DRC9: variants seen among roughly 807,000 people sequenced by gnomAD.
The protein encoded by DRC9 is dynein regulatory complex protein 9.
chr3:197,921,155 A>C, the DRC9 span, among the ~76,000 whole-genome samples: 345 of 108,446 alleles, frequency 3.2e-3, no homozygotes, highest in African/African-American at 0.023. Context: ...CCGGGGATGT[A>C]ACCTGATTTC....
At chr3:197,950,982 C>T in the DRC9 span, 4 of 1,613,076 alleles carry the variant, frequency 2.5e-6, no homozygotes, top group African/African-American at 1.3e-5. Flanking sequence ...CTGGAAGGTA[C>T]GCGTTTTAAA....
chr3:197,954,303 T>G, the DRC9 span: 1 of 770,024 alleles, frequency 1.3e-6, no homozygotes, highest in Non-Finnish European at 2.2e-6. Flanking sequence ...AGATAGTAAT[T>G]GAAAGAATTA....
the DRC9 span, among the ~76,000 whole-genome samples, chr3:197,908,590 C>G: frequency 6.7e-6 from 1 of 149,528 alleles, no homozygotes; most frequent in South Asian, 2.1e-4. Context: ...AGCAAGCAAC[C>G]CTTTCCAAGG....
the DRC9 span, among the ~76,000 whole-genome samples, chr3:197,942,852 G>A: frequency 6.9e-6 from 1 of 145,846 alleles, no homozygotes; most frequent in African/African-American, 2.6e-5. Flanking sequence ...AGGTTGCGGT[G>A]AGCCTAGACA....
the DRC9 span, among the ~76,000 whole-genome samples, chr3:197,901,608 G>A: frequency 6.6e-6 from 1 of 152,264 alleles, no homozygotes; most frequent in Non-Finnish European, 1.5e-5. This position sits in a 1 kb window ranked among gnomAD's most constrained non-coding sequence, Gnocchi z 4.4. Flanking sequence ...CCATGGGCCT[G>A]TGGTAGTAGT....
At chr3:197,951,644 C>T in the DRC9 span, 64 of 322,808 alleles carry the variant, frequency 2.0e-4, no homozygotes, top group South Asian at 1.9e-3. Context: ...TGAGCCACCG[C>T]GCCTGGCCTC....
chr3:197,958,055 C>A, the DRC9 span: 1 of 152,142 alleles, frequency 6.6e-6, no homozygotes, highest in East Asian at 1.9e-4. Flanking sequence ...CACTGAAGAA[C>A]TTGATTCACA....
At chr3:197,921,068 G>A in the DRC9 span, among the ~76,000 whole-genome samples, 2 of 147,068 alleles carry the variant, frequency 1.4e-5, no homozygotes, top group Non-Finnish European at 3.0e-5. Flanking sequence ...TGGTCGACCC[G>A]ACTACTGGTT....
the DRC9 span, among the ~76,000 whole-genome samples, chr3:197,926,695 G>A: frequency 3.3e-5 from 5 of 152,062 alleles, no homozygotes; most frequent in African/African-American, 1.2e-4. Flanking sequence ...ATTATTAAGT[G>A]TGGCAGGAAT....
chr3:197,946,095 G>A, the DRC9 span, among the ~76,000 whole-genome samples: 1 of 152,194 alleles, frequency 6.6e-6, no homozygotes, highest in Non-Finnish European at 1.5e-5. Context: ...AACAGAATTT[G>A]CTCCACATGG....
chr3:197,952,163 T>TTTG, the DRC9 span, among the ~76,000 whole-genome samples: 172 of 44,118 alleles, frequency 3.9e-3, 3 homozygotes, highest in South Asian at 0.027. Context: ...AAATTATGGG[T>TTTG]TTTTTTTTTT....
the DRC9 span, chr3:197,950,423 G>C: frequency 1.2e-6 from 1 of 864,838 alleles, no homozygotes; most frequent in South Asian, 5.5e-5. Flanking sequence ...GGCTGCCCGG[G>C]TTATCCCAGT....
the DRC9 span, chr3:197,912,668 G>A: frequency 6.2e-7 from 1 of 1,610,482 alleles, no homozygotes; most frequent in Middle Eastern, 1.7e-4. Context: ...AAGCTGTGGG[G>A]ACCCACCTGC....
At chr3:197,933,765 T>G in the DRC9 span, among the ~76,000 whole-genome samples, 1 of 152,016 alleles carries the variant, frequency 6.6e-6, no homozygotes, top group Non-Finnish European at 1.5e-5. Flanking sequence ...ATTATGTGTT[T>G]GTGTGTTTTA....
At chr3:197,916,738 G>C in the DRC9 span, among the ~76,000 whole-genome samples, 1 of 151,986 alleles carries the variant, frequency 6.6e-6, no homozygotes, top group Non-Finnish European at 1.5e-5. Context: ...GTAACCATTG[G>C]AAGAAAAAAC....
the DRC9 span, among the ~76,000 whole-genome samples, chr3:197,924,981 C>T: frequency 6.6e-6 from 1 of 152,110 alleles, no homozygotes; most frequent in Non-Finnish European, 1.5e-5. Context: ...GAGGTTAGGT[C>T]CTAATGACCA....
the DRC9 span, among the ~76,000 whole-genome samples, chr3:197,901,640 C>T: frequency 3.3e-5 from 5 of 152,386 alleles, no homozygotes; most frequent in South Asian, 2.1e-4. This position sits in a 1 kb window ranked among gnomAD's most constrained non-coding sequence, Gnocchi z 4.4. Flanking sequence ...GCGGCTCCTC[C>T]GCATGTGGAA....
chr3:197,926,046 T>C, the DRC9 span: 1 of 1,586,040 alleles, frequency 6.3e-7, no homozygotes, highest in Non-Finnish European at 8.7e-7. Context: ...TTGCCATTCC[T>C]TTTTGACATT....
At chr3:197,937,865 G>C in the DRC9 span, among the ~76,000 whole-genome samples, 6 of 152,062 alleles carry the variant, frequency 3.9e-5, no homozygotes, top group Non-Finnish European at 8.8e-5. Context: ...GCTTGAGGGC[G>C]GCAGTGCTCT....
Sources: gnomAD v4.1 joint callset for allele counts (sites outside exome capture counted in the v4.1 genomes callset) on GRCh38, gnomAD v4.1.1 for gene constraint, Gnocchi (gnomAD v3.1) non-coding constraint, MANE v1.5 for transcripts, NCBI Gene and HGNC (gene_info 2026-07-23, HGNC 2026-07-21) for gene names.